Variants in RAB6B observed in about 807,000 individuals in gnomAD.
RAB6B encodes the protein ras-related protein Rab-6B.
A neutral mutation model predicts 31.2 loss-of-function variants in RAB6B; 7 were observed. That is an observed-to-expected ratio of 0.22 (90% confidence interval 0.13 to 0.42). The LOEUF is 0.42. Among genes scored for constraint, RAB6B ranks in the 10% least tolerant of loss-of-function variants. The pLI, the probability that RAB6B is intolerant of heterozygous loss-of-function variation, is 1.00. For missense variants in RAB6B, 149 were observed against 280.6 expected (o/e 0.53, Z 3.35); for synonymous variants, 105 against 104.9 (o/e 1.00, Z -0.01).
intron 1 of RAB6B, among the ~76,000 whole-genome samples, chr3:133,891,666 G>A (rs1017751577): frequency 2.6e-5 from 4 of 152,222 alleles, no homozygotes; most frequent in Non-Finnish European, 5.9e-5. Flanking sequence ...AGGGAGGACA[G>A]GAGAGAGAAG....
At chr3:133,846,728 GA>G (rs1398443805) in intron 2 of RAB6B, among the ~76,000 whole-genome samples, 1 of 152,164 alleles carries the variant, frequency 6.6e-6, no homozygotes, top group Non-Finnish European at 1.5e-5. Flanking sequence ...ACAATGGTAA[GA>G]ATTATAGTTG....
chr3:133,889,906 T>C (rs1200020198), intron 1 of RAB6B, among the ~76,000 whole-genome samples: 1 of 152,228 alleles, frequency 6.6e-6, no homozygotes, highest in Non-Finnish European at 1.5e-5. Context: ...CTATGCATCA[T>C]CAGATTAAAG....
At chr3:133,891,093 C>T (rs941529912) in intron 1 of RAB6B, among the ~76,000 whole-genome samples, 1 of 152,130 alleles carries the variant, frequency 6.6e-6, no homozygotes, top group Non-Finnish European at 1.5e-5. Flanking sequence ...GGGCTCCCTG[C>T]AGGAGGGCAG....
chr3:133,861,620 C>T (rs1425005114), intron 2 of RAB6B, among the ~76,000 whole-genome samples: 1 of 152,226 alleles, frequency 6.6e-6, no homozygotes, highest in African/African-American at 2.4e-5. Context: ...CATGCCCTGG[C>T]TGAAGGCAGG....
At position 133,828,815 on chromosome 3, in the gene RAB6B, C is replaced by G; in HGVS notation, c.600G>C (p.Pro200=). Residue 200 remains proline, a synonymous_variant, in exon 8 of 8, where the codon CCG becomes CCC. Transcript: ENST00000285208. ...DIKLDKPQEP[P]ASEGGCSC Reference sequence around the variant, plus strand: ...AGCAGGAGCAGCCGCCCTCGCTGGCCGGGGGCTCCTGGGGTTTGTCCAGCT... The same window carrying G: ...AGCAGGAGCAGCCGCCCTCGCTGGCGGGGGGCTCCTGGGGTTTGTCCAGCT... 1.9e-6 allele frequency: 3 copies of G among 1,613,084 alleles called. No individual in the cohort carries two copies. The South Asian group carries it at 3.3e-5, about 18-fold the overall frequency.
At chr3:133,871,747 A>G (rs1397195562) in intron 1 of RAB6B, among the ~76,000 whole-genome samples, 4 of 152,250 alleles carry the variant, frequency 2.6e-5, no homozygotes, top group Non-Finnish European at 4.4e-5. Context: ...TTAGCCAGAG[A>G]CTGCACGGAG....
chr3:133,851,440 G>C (rs1935983072), intron 2 of RAB6B, among the ~76,000 whole-genome samples: 1 of 152,242 alleles, frequency 6.6e-6, no homozygotes, highest in South Asian at 2.1e-4. Flanking sequence ...CTTCCATGTA[G>C]CTGGGGCTTT....
intron 1 of RAB6B, chr3:133,894,734 G>T (rs914997344): frequency 1.3e-5 from 2 of 152,336 alleles, no homozygotes; most frequent in Non-Finnish European, 2.9e-5. Flanking sequence ...GCCGGCGAAG[G>T]GCAGCGGGTC....
At chr3:133,850,752 A>C (rs1935972394) in intron 2 of RAB6B, among the ~76,000 whole-genome samples, 2 of 152,166 alleles carry the variant, frequency 1.3e-5, no homozygotes, top group Non-Finnish European at 2.9e-5. Flanking sequence ...TAATGGTGAA[A>C]AGTCTTCTGA....
At chr3:133,863,141 C>T (rs1005187621) in intron 2 of RAB6B, among the ~76,000 whole-genome samples, 2 of 152,188 alleles carry the variant, frequency 1.3e-5, no homozygotes, top group Non-Finnish European at 2.9e-5. Flanking sequence ...ACAGTCCACA[C>T]CTGAGGCTGT....
At chr3:133,876,942 T>C (rs987754527) in intron 1 of RAB6B, among the ~76,000 whole-genome samples, 1 of 150,240 alleles carries the variant, frequency 6.7e-6, no homozygotes, top group Non-Finnish European at 1.5e-5. Flanking sequence ...CTGGTCAAAA[T>C]GGAGTAACAG....
chr3:133,838,493 C>G (rs141182271), intron 5 of RAB6B, among the ~76,000 whole-genome samples: 237 of 152,322 alleles, frequency 1.6e-3, no homozygotes, highest in African/African-American at 5.0e-3. Context: ...TCCTTTGTGT[C>G]TTCTCAGCTT....
intron 1 of RAB6B, among the ~76,000 whole-genome samples, chr3:133,880,647 A>G (rs1418122329): frequency 6.6e-6 from 1 of 152,244 alleles, no homozygotes; most frequent in Non-Finnish European, 1.5e-5. Context: ...GCACTTCTGC[A>G]GCCCCAGCTT....
chr3:133,873,416 T>C (rs1361420804), intron 1 of RAB6B, among the ~76,000 whole-genome samples: 2 of 151,966 alleles, frequency 1.3e-5, no homozygotes, highest in Admixed American at 6.6e-5. Flanking sequence ...CTGCTTTTTT[T>C]CCCCCAGAGG....
chr3:133,836,450 G>A (rs967410495), intron 6 of RAB6B, among the ~76,000 whole-genome samples: 6 of 152,204 alleles, frequency 3.9e-5, no homozygotes, highest in African/African-American at 1.4e-4. Context: ...GAGTGGATAT[G>A]CTCACATTTA....
intron 7 of RAB6B, among the ~76,000 whole-genome samples, chr3:133,829,494 C>T (rs569400808): frequency 1.6e-4 from 24 of 152,308 alleles, no homozygotes; most frequent in African/African-American, 5.8e-4. Context: ...GGCCCTCTGC[C>T]TTCCTCATCG....
intron 2 of RAB6B, among the ~76,000 whole-genome samples, chr3:133,861,489 G>C (rs965940886): frequency 1.1e-4 from 16 of 152,204 alleles, no homozygotes; most frequent in African/African-American, 3.9e-4. Context: ...GTAGAACCCA[G>C]CTCCACACAC....
At chr3:133,894,748 A>G (rs1418128846) in intron 1 of RAB6B, 2 of 152,302 alleles carry the variant, frequency 1.3e-5, no homozygotes, top group South Asian at 2.1e-4. Context: ...GCGGGTCTAG[A>G]ACCTTCTGTG....
At chr3:133,852,896 G>A (rs1337582819) in intron 2 of RAB6B, among the ~76,000 whole-genome samples, 1 of 152,198 alleles carries the variant, frequency 6.6e-6, no homozygotes, top group Admixed American at 6.5e-5. Flanking sequence ...GTATGTGGGA[G>A]CCATGCATGG....
Sources: allele counts gnomAD v4.1 joint callset (sites outside exome capture counted in the v4.1 genomes callset), GRCh38; gene constraint gnomAD v4.1.1; transcripts MANE v1.5; gene names NCBI Gene and HGNC (gene_info 2026-07-23, HGNC 2026-07-21).